Variants in APAF1 observed in about 807,000 individuals in gnomAD.
The protein encoded by APAF1 is apoptotic protease-activating factor 1.
A neutral mutation model predicts 152.4 loss-of-function variants in APAF1; 91 were observed. The ratio of observed to expected loss-of-function variants is 0.60; its 90% CI spans 0.50 to 0.71. APAF1 has a LOEUF of 0.71. Ranked by LOEUF, APAF1 falls within the 30% of genes least tolerant of loss-of-function variation. APAF1 has a pLI of 0.00. For synonymous variants in APAF1, 484 were observed against 494.1 expected (o/e 0.98, Z 0.27); for missense variants, 1,283 against 1,472.0 (o/e 0.87, Z 2.10).
chr12:98,732,263 G>T (rs1372492398), intron 26 of APAF1, among the ~76,000 whole-genome samples, 157 bp from the exon 27 acceptor site: 1 of 152,188 alleles, frequency 6.6e-6, no homozygotes, highest in Non-Finnish European at 1.5e-5. Flanking sequence ...GGCTGACCAG[G>T]TTGAATAGTA....
chr12:98,656,310 A>G (rs2097657587), intron 4 of APAF1, among the ~76,000 whole-genome samples: 1 of 152,214 alleles, frequency 6.6e-6, no homozygotes. Flanking sequence ...ATATATACAC[A>G]TACAGAACAC....
intron 19 of APAF1, among the ~76,000 whole-genome samples, chr12:98,707,804 C>A (rs985964128): frequency 1.3e-5 from 2 of 151,892 alleles, no homozygotes; most frequent in African/African-American, 4.8e-5. Context: ...TCTTAACATG[C>A]CAGTCTCAAT....
chr12:98,715,235 CATATAT>C (rs61430351), intron 21 of APAF1, among the ~76,000 whole-genome samples, 186 bp from the exon 22 acceptor site: 3,948 of 54,132 alleles, frequency 0.073, 122 homozygotes, highest in Admixed American at 0.08. Context: ...ACATGGTGTG[CATATAT>C]ATATATATAT....
At position 98,648,324 on chromosome 12, in the gene APAF1, G is replaced by C; in HGVS notation, c.-36G>C. 6.2e-7 allele frequency: 1 copy of C among 1,613,570 alleles called. No homozygotes were observed. The highest frequency in any genetic ancestry group is 8.5e-7 in the Non-Finnish European group (1 of 1,179,748). Reference sequence around the variant, plus strand: ...TTTTGGTGTTTTGGCTGTAGCTCATGGTTGACAGCTCAGAGAGAGAAAGAT... The same window carrying C: ...TTTTGGTGTTTTGGCTGTAGCTCATCGTTGACAGCTCAGAGAGAGAAAGAT... On this transcript the variant is annotated 5_prime_UTR_variant, in exon 2 of 27. It removes an upstream start codon present in the reference 5' UTR. Coordinates refer to ENST00000551964, the MANE Select transcript of APAF1 (RefSeq NM_181861.2).
intron 20 of APAF1, among the ~76,000 whole-genome samples, chr12:98,711,230 G>A (rs1293518692): frequency 6.6e-6 from 1 of 152,156 alleles, no homozygotes; most frequent in Non-Finnish European, 1.5e-5. Context: ...GTGTCCTCAT[G>A]CTTGTATTTC....
chr12:98,655,393 C>A (rs1372981756), intron 4 of APAF1, among the ~76,000 whole-genome samples: 1 of 151,470 alleles, frequency 6.6e-6, no homozygotes, highest in Non-Finnish European at 1.5e-5. Flanking sequence ...TCCTCACTTC[C>A]CAGTAGGGGC....
chr12:98,703,055 G>A (rs913856741), intron 17 of APAF1, among the ~76,000 whole-genome samples: 2 of 152,052 alleles, frequency 1.3e-5, no homozygotes, highest in African/African-American at 4.8e-5. Context: ...GAATAAACAA[G>A]CATTAGGGAG....
chr12:98,724,281 A>G (rs35681517), intron 24 of APAF1, among the ~76,000 whole-genome samples: 4,113 of 152,060 alleles, frequency 0.027, 205 homozygotes, highest in African/African-American at 0.095. Flanking sequence ...TCTTAGAGTT[A>G]TCTTCTCCTC....
chr12:98,691,212 A>C (rs1419293656), intron 16 of APAF1, among the ~76,000 whole-genome samples: 10 of 152,130 alleles, frequency 6.6e-5, no homozygotes, highest in Non-Finnish European at 1.5e-4. Flanking sequence ...TCTTGAAAAA[A>C]AAAGAAAAAA....
At chr12:98,662,898 A>C in intron 7 of APAF1, 92 bp downstream of exon 7, 1 of 1,295,328 alleles carries the variant, frequency 7.7e-7, no homozygotes, top group African/African-American at 1.5e-5. Context: ...AATTTAGCAC[A>C]TGAACATCCA....
intron 13 of APAF1, among the ~76,000 whole-genome samples, chr12:98,679,925 T>C (rs1220543375): frequency 1.3e-5 from 2 of 152,342 alleles, no homozygotes; most frequent in Non-Finnish European, 2.9e-5. Context: ...AGGCTGGTAG[T>C]GTGAGCTGAA....
At chr12:98,700,183 A>C (rs1042370707) in intron 17 of APAF1, among the ~76,000 whole-genome samples, 1 of 152,200 alleles carries the variant, frequency 6.6e-6, no homozygotes, top group African/African-American at 2.4e-5. Context: ...TTCTTTTGAT[A>C]TAAGTATTCA....
chr12:98,714,272 G>A (rs990201651), intron 21 of APAF1, among the ~76,000 whole-genome samples: 1 of 152,038 alleles, frequency 6.6e-6, no homozygotes, highest in Non-Finnish European at 1.5e-5. Flanking sequence ...CATCCACATC[G>A]TTAGTTCCCT....
At chr12:98,731,881 GTAAA>G (rs1431619419) in intron 26 of APAF1, among the ~76,000 whole-genome samples, 2 of 152,192 alleles carry the variant, frequency 1.3e-5, no homozygotes, top group Non-Finnish European at 2.9e-5. Flanking sequence ...TATTTGTTTA[GTAAA>G]TAAATAATAT....
Position 98,727,196 on chromosome 12 carries a change from GCTT to G in APAF1, c.3485_3487del (p.Leu1162del). ...AGATATGGAATGTCTCAAACGGTGA[GCTT>G]CTTCATTTGTGTGCTCCGCTTTCAG... On this transcript the variant is annotated inframe_deletion, in exon 26 of 27. Coordinates refer to ENST00000551964, the MANE Select transcript of APAF1 (RefSeq NM_181861.2). 6.2e-7 allele frequency: 1 copy of G among 1,614,176 alleles called. No homozygotes were observed. Among genetic ancestry groups the G allele is most frequent in the Non-Finnish European group, 8.5e-7 (1 of 1,180,030 alleles).
chr12:98,649,567 C>T lies in APAF1; in HGVS notation c.409C>T (p.Gln137Ter), dbSNP rs759884217. ...VTRKKLVNAI[Q>*]QKLSKLKGEP... ...AAGGAAGAAGCTGGTGAATGCAATT[C>T]AGCAGAAGCTCTCCAAATTGAAAGG... Residue 137 changes from glutamine to a stop codon, truncating the protein, a stop_gained, in exon 4 of 27, where the codon CAG (glutamine) becomes TAG (stop). Transcript: ENST00000551964. LOFTEE classifies it high-confidence loss of function. The T allele has an allele frequency of 5.0e-6, 8 of 1,614,152 alleles. No individual in the cohort carries two copies. The highest frequency in any genetic ancestry group is 4.4e-5 in the South Asian group (4 of 91,082).
intron 13 of APAF1, among the ~76,000 whole-genome samples, chr12:98,678,302 C>T (rs1593055677): frequency 2.6e-5 from 4 of 152,368 alleles, no homozygotes; most frequent in South Asian, 2.1e-4. Context: ...ATGGCAGCGG[C>T]GGGCTGCCTG....
chr12:98,646,488 G>GC (rs766623648), intron 1 of APAF1, among the ~76,000 whole-genome samples: 3 of 152,126 alleles, frequency 2.0e-5, no homozygotes, highest in Non-Finnish European at 4.4e-5. Flanking sequence ...GATAATTATT[G>GC]CCCCCTTCTG....
At chr12:98,666,092 G>A in intron 8 of APAF1, 98 bp from the exon 9 acceptor site, 1 of 1,131,576 alleles carries the variant, frequency 8.8e-7, no homozygotes, top group East Asian at 2.3e-5. Context: ...CTTACTCAGG[G>A]CTTTAAGATA....
Sources: allele counts gnomAD v4.1 joint callset (sites outside exome capture counted in the v4.1 genomes callset), GRCh38; gene constraint gnomAD v4.1.1; transcripts MANE v1.5; gene names NCBI Gene and HGNC (gene_info 2026-07-23, HGNC 2026-07-21).